Variants in POLG observed in about 807,000 individuals in gnomAD.
POLG encodes DNA polymerase gamma, catalytic subunit, also known as DNA polymerase subunit gamma-1.
In POLG, 110 loss-of-function variants were observed where a neutral mutation model predicts 155.4. The ratio of observed to expected loss-of-function variants is 0.71; its 90% CI spans 0.61 to 0.83. The LOEUF is 0.83. Ranked by LOEUF, POLG falls within the 40% of genes least tolerant of loss-of-function variation. POLG has a pLI of 0.00. For missense variants in POLG, 1,685 were observed against 1,627.5 expected (o/e 1.04, Z -0.61); for synonymous variants, 701 against 631.5 (o/e 1.11, Z -1.65).
intron 10 of POLG, among the ~76,000 whole-genome samples, chr15:89,324,937 C>T (rs530967286): frequency 2.0e-5 from 3 of 152,330 alleles, no homozygotes; most frequent in Non-Finnish European, 2.9e-5. Flanking sequence ...AAGAGTAGGG[C>T]CTTTAGTCCT....
At chr15:89,328,858 C>T in intron 4 of POLG, 27 bp from the exon 5 acceptor site, 1 of 1,614,042 alleles carries the variant, frequency 6.2e-7, no homozygotes, top group Non-Finnish European at 8.5e-7. Context: ...AGGGACATGG[C>T]AGATCAGCCT....
intron 21 of POLG, chr15:89,317,886 G>A (rs2055325434): frequency 5.5e-6 from 2 of 363,164 alleles, no homozygotes; most frequent in South Asian, 2.4e-5. Flanking sequence ...CGGAGATGAT[G>A]ATTAAGAGGG....
In POLG at chr15:89,323,421, A is replaced by C. The variant is rs760015949; in HGVS notation, c.2248T>G (p.Phe750Val). 6 of 1,612,446 alleles carry C rather than the reference A, an allele frequency of 3.7e-6. No homozygotes were observed. In the South Asian group the frequency reaches 6.6e-5, roughly 18 times the overall value. ...NDVDIPGCWF[F>V]KLPHKDGNSC... ...GGACACACCTTGTGAGGCAGCTTGA[A>C]AAACCAGCAGCCAGGGATGTCCACG... Residue 750 changes from phenylalanine (F) to valine (V), a missense_variant, in exon 13 of 23, where the codon TTC becomes GTC. By Grantham distance (50) the Phe-to-Val change is conservative. Around this residue, in one of 3 missense-constraint regions of POLG, gnomAD observed 1,210 missense variants for 1,167.1 expected, o/e 1.04. Coordinates refer to ENST00000268124, the MANE Select transcript of POLG (RefSeq NM_002693.3).
At chr15:89,316,995 T>C (rs1274014365) in intron 22 of POLG, 168 bp from the exon 23 acceptor site, 2 of 653,052 alleles carry the variant, frequency 3.1e-6, no homozygotes, top group South Asian at 1.7e-5. Flanking sequence ...TCTTTTTATA[T>C]AAGTGTGTCT....
chr15:89,327,104 G>T (rs545659998), intron 7 of POLG, 41 bp from the exon 8 acceptor site: 1 of 1,614,006 alleles, frequency 6.2e-7, no homozygotes, highest in East Asian at 2.2e-5. Context: ...AGGCTAAGCC[G>T]AAGGCTAGGC....
chr15:89,322,962 C>T (rs763866252), intron 13 of POLG, 60 bp from the exon 14 acceptor site: 3 of 1,530,444 alleles, frequency 2.0e-6, no homozygotes, highest in Non-Finnish European at 2.7e-6. Flanking sequence ...GGTGGGGAAC[C>T]AACGTGAGTA....
intron 14 of POLG, 72 bp downstream of exon 14, chr15:89,322,670 A>C (rs2055413333): frequency 6.5e-7 from 1 of 1,529,118 alleles, no homozygotes; most frequent in African/African-American, 1.4e-5. Flanking sequence ...GTGGGAATCC[A>C]GGGTTAGTCA....
intron 10 of POLG, among the ~76,000 whole-genome samples, chr15:89,325,093 TGAGTGAGA>T (rs1292899240): frequency 9.5e-5 from 4 of 42,320 alleles, no homozygotes; most frequent in Admixed American, 2.0e-4. Flanking sequence ...AGAGAGTGAG[TGAGTGAGA>T]GAGTGAGAGA....
At position 89,326,606 on chromosome 15, in the gene POLG, G is replaced by A; in HGVS notation, c.1712+6C>T. 3 of 1,613,246 alleles carry A rather than the reference G, an allele frequency of 1.9e-6. No homozygotes were observed. Among genetic ancestry groups the A allele is most frequent in the Non-Finnish European group, 2.5e-6 (3 of 1,179,966 alleles). Reference sequence around the variant, plus strand: ...AGATACACTGCTGGGGGTGGGCAGGGCTCACCCAGGGTGTCCAGGAAGGTG... The same window carrying A: ...AGATACACTGCTGGGGGTGGGCAGGACTCACCCAGGGTGTCCAGGAAGGTG... On this transcript the variant is annotated splice_donor_region_variant and intron_variant, in intron 9 of 22. Coordinates refer to ENST00000268124, the MANE Select transcript of POLG (RefSeq NM_002693.3).
In POLG at chr15:89,329,106, G is replaced by A; in HGVS notation, c.860C>T (p.Ser287Phe). ...CATGGTGTCCAGGAAACGCATGCGG[G>A]AACCCTGAGGAGGAGGAGGAGAAAA... Reference protein sequence around the residue: ...HIREQYLIQGSRMRFLDTMSM... With the variant: ...HIREQYLIQGFRMRFLDTMSM... Residue 287 changes from serine (S) to phenylalanine (F), a missense_variant, in exon 4 of 23, where the codon TCC becomes TTC. Around this residue, in one of 3 missense-constraint regions of POLG, gnomAD observed 1,210 missense variants for 1,167.1 expected, o/e 1.04. Transcript: ENST00000268124. The A allele has an allele frequency of 1.9e-6, 3 of 1,611,384 alleles. No homozygotes were observed. Among genetic ancestry groups the A allele is most frequent in the Non-Finnish European group, 2.5e-6 (3 of 1,179,840 alleles).
In POLG at chr15:89,330,200, G is replaced by C; in HGVS notation, c.736C>G (p.Pro246Ala). Reference protein sequence around the residue: ...TSQLSPADLIPLEVPTGASSP... With the variant: ...TSQLSPADLIALEVPTGASSP... ...CTGGCACCAGTAGGGACCTCCAGGGGGATGAGGTCAGCCGGCGACAGCTGG... is the reference window on the plus strand; with the variant it reads ...CTGGCACCAGTAGGGACCTCCAGGGCGATGAGGTCAGCCGGCGACAGCTGG... The change falls in exon 3 of 23, where the codon CCC (proline) becomes GCC (alanine). Residue 246 changes from proline (P) to alanine (A), a missense_variant. By Grantham distance (27) the Pro-to-Ala change is conservative. Coordinates refer to ENST00000268124, the MANE Select transcript of POLG (RefSeq NM_002693.3). 6.2e-7 allele frequency: 1 copy of C among 1,613,248 alleles called. No homozygotes were observed. The highest frequency in any genetic ancestry group is 2.2e-5 in the East Asian group (1 of 44,884).
In POLG at chr15:89,325,045, T is replaced by TGAGA. The variant is rs1266416756; in HGVS notation, c.1949+404_1949+405insTCTC. 1.1e-4 allele frequency among the ~76,000 whole-genome samples: 13 copies of TGAGA among 114,630 alleles called. 1 individual carries two copies. The highest frequency in any genetic ancestry group is 7.5e-4 in the African/African-American group (13 of 17,424). 75.2% of individuals were successfully genotyped at this position (114,630 alleles called of 152,430 possible). On this transcript the variant is annotated intron_variant, in intron 10 of 22. Transcript: ENST00000268124. ...AAAAAACCTGAACCCAGAGAGTGAG[T>TGAGA]GAGTGAGTGAGAGAGTGAGTGAGTG... is the stretch of plus-strand genomic sequence containing the variant.
chr15:89,321,868 G>T lies in POLG; in HGVS notation c.2481-15C>A. Reference sequence around the variant, plus strand: ...AGTCGGGGTGCCTGGTGGGGTGCAGGGGAAGGAAATGGGTCTTAGCAGGGT... The same window carrying T: ...AGTCGGGGTGCCTGGTGGGGTGCAGTGGAAGGAAATGGGTCTTAGCAGGGT... On this transcript the variant is annotated splice_polypyrimidine_tract_variant and intron_variant, in intron 15 of 22. Transcript: ENST00000268124. 6.2e-7 allele frequency: 1 copy of T among 1,611,142 alleles called. No individual in the cohort carries two copies.
At position 89,326,719 on chromosome 15, in the gene POLG, C is replaced by G. The variant is rs2055524023; in HGVS notation, c.1605G>C (p.Glu535Asp). 6.2e-7 allele frequency: 1 copy of G among 1,614,022 alleles called. No homozygotes were observed. The change falls in exon 9 of 23, where the codon GAG becomes GAC. Residue 535 changes from glutamate to aspartate, a missense_variant. Physicochemically the swap from Glu to Asp is conservative, Grantham distance 45. This residue lies in a region of POLG where 1,210 missense variants were observed against 1,167.1 expected (regional missense o/e 1.04). Coordinates refer to ENST00000268124, the MANE Select transcript of POLG (RefSeq NM_002693.3). Reference protein sequence around the residue: ...MDQEDLGPCSEEEEFQQDVMA... With the variant: ...MDQEDLGPCSDEEEFQQDVMA... The stretch of plus-strand genomic sequence containing the variant: ...TGACATCTTGTTGAAACTCCTCCTC[C>G]TCACTGCAGGGGCCGAGGTCTGTGA...
Position 89,321,789 on chromosome 15 carries a change from T to C in POLG, c.2545A>G (p.Thr849Ala), listed in dbSNP as rs1555452879. The C allele has an allele frequency of 6.2e-7, 1 of 1,614,126 alleles. No individual in the cohort carries two copies. The highest frequency in any genetic ancestry group is 8.5e-7 in the Non-Finnish European group (1 of 1,180,012). The change falls in exon 16 of 23, where the codon ACC becomes GCC. Residue 849 changes from threonine to alanine, a missense_variant. Transcript: ENST00000268124. ...AILPQVVTAG[T>A]ITRRAVEPTW... The stretch of plus-strand genomic sequence containing the variant: ...GGCTCCACAGCCCGGCGAGTGATGG[T>C]GCCGGCAGTCACCACTTGGGGCAGG...
At chr15:89,331,937 A>C (rs2055599268) in intron 2 of POLG, among the ~76,000 whole-genome samples, 1 of 152,184 alleles carries the variant, frequency 6.6e-6, no homozygotes, top group East Asian at 1.9e-4. Context: ...GGGAAAGGAG[A>C]GGTAAAAAGA....
Position 89,333,297 on chromosome 15 carries a change from G to C in POLG, c.458C>G (p.Ala153Gly). ...CTGGGCCTGCAACAGCAAGTTGGCCGCCTCCAGGTAGGGCAGGCTCTGCTT... is the reference window on the plus strand; with the variant it reads ...CTGGGCCTGCAACAGCAAGTTGGCCCCCTCCAGGTAGGGCAGGCTCTGCTT... ...AQKQSLPYLE[A>G]ANLLLQAQLP... The change falls in exon 2 of 23, where the codon GCG becomes GGG. Residue 153 changes from alanine (A) to glycine (G), a missense_variant. Physicochemically the swap from Ala to Gly is moderately conservative, Grantham distance 60 (BLOSUM62 0). Transcript: ENST00000268124. 4.5e-6 allele frequency: 7 copies of C among 1,554,052 alleles called. No individual in the cohort carries two copies. Among genetic ancestry groups the C allele is most frequent in the Non-Finnish European group, 6.1e-6 (7 of 1,148,708 alleles).
chr15:89,323,331 ACT>A (rs1243569929), intron 13 of POLG, 71 bp downstream of exon 13: 19 of 927,514 alleles, frequency 2.0e-5, no homozygotes, highest in Non-Finnish European at 3.4e-5. Flanking sequence ...CAGGTGTGTC[ACT>A]CTGAAGGCCT....
Position 89,333,781 on chromosome 15 carries a change from G to A in POLG, c.-27C>T. On this transcript the variant is annotated 5_prime_UTR_variant, in exon 2 of 23. Transcript: ENST00000268124. ...GTTGGTGCAGGGACCCCCACGCTGG[G>A]AGTCAGAACACCTGGCTTTGGGCTC... 6.5e-7 allele frequency: 1 copy of A among 1,534,876 alleles called. No homozygotes were observed. Among genetic ancestry groups the A allele is most frequent in the Non-Finnish European group, 8.7e-7 (1 of 1,146,296 alleles).
Sources: allele counts gnomAD v4.1 joint callset (sites outside exome capture counted in the v4.1 genomes callset), GRCh38; gene constraint gnomAD v4.1.1; regional missense constraint gnomAD v4.1.1; transcripts MANE v1.5; gene names NCBI Gene and HGNC (gene_info 2026-07-23, HGNC 2026-07-21).